STPG4: variants seen among roughly 807,000 people sequenced by gnomAD.
STPG4 encodes the protein sperm-tail PG-rich repeat containing 4, also known as protein STPG4.
A neutral mutation model predicts 31.5 loss-of-function variants in STPG4; 41 were observed. The ratio of observed to expected loss-of-function variants is 1.30; its 90% confidence interval spans 1.01 to 1.69. The LOEUF is 1.69. STPG4 is among the 40% of genes most tolerant of loss of function. The pLI is 0.00. For synonymous variants in STPG4, 141 were observed against 103.0 expected (o/e 1.37, Z -2.24); for missense variants, 375 against 293.4 (o/e 1.28, Z -2.03).
chr2:47,090,635 CCAGGGTCCCTGA>C (rs1210629623), intron 5 of STPG4, among the ~76,000 whole-genome samples: 1 of 152,148 alleles, frequency 6.6e-6, no homozygotes, highest in Non-Finnish European at 1.5e-5. Flanking sequence ...CTTCTCCCTG[CCAGGGTCCCTGA>C]TGCCCCCAGG....
rs370412772 is a variant in STPG4 at position 47,154,427 on chromosome 2, TCAA to T, written c.81+741_81+743del. Among the ~76,000 whole-genome samples the T allele has an allele frequency of 3.6e-3, 551 of 152,294 alleles. 3 individuals are homozygous for T. The highest frequency in any genetic ancestry group is 0.013 in the African/African-American group (520 of 41,560). ...GGGAAGGAGAGAGAAGTAAACGCGA[TCAA>T]TCTAATGGAAGACAATTGGCAGCTG... is the stretch of plus-strand genomic sequence containing the variant. On this transcript the variant is annotated intron_variant, in intron 1 of 6. Coordinates refer to ENST00000445927, the MANE Select transcript of STPG4 (RefSeq NM_001163561.2).
intron 3 of STPG4, among the ~76,000 whole-genome samples, chr2:47,148,174 T>C (rs1465871348): frequency 2.0e-5 from 3 of 152,102 alleles, no homozygotes; most frequent in African/African-American, 4.8e-5. Context: ...CTCGAACTCC[T>C]GGCCTCAAGT....
At chr2:47,147,144 T>C (rs374578914) in intron 3 of STPG4, among the ~76,000 whole-genome samples, 3 of 151,606 alleles carry the variant, frequency 2.0e-5, no homozygotes, top group Admixed American at 6.6e-5. Context: ...AATAAATAAA[T>C]AGGATATACA....
At chr2:47,138,944 C>T (rs1352538893) in intron 3 of STPG4, among the ~76,000 whole-genome samples, 1 of 152,188 alleles carries the variant, frequency 6.6e-6, no homozygotes, top group African/African-American at 2.4e-5. Context: ...CTTGGCCTCC[C>T]AATGTGCTGG....
At chr2:47,143,586 C>T (rs558838550) in intron 3 of STPG4, among the ~76,000 whole-genome samples, 15 of 151,260 alleles carry the variant, frequency 9.9e-5, no homozygotes, top group African/African-American at 3.4e-4. Flanking sequence ...CCTGGGTTCA[C>T]GCCATTCTCC....
At chr2:47,142,957 C>G (rs543662224) in intron 3 of STPG4, among the ~76,000 whole-genome samples, 1 of 148,346 alleles carries the variant, frequency 6.7e-6, no homozygotes, top group Non-Finnish European at 1.5e-5. Context: ...CCTGCCTTAG[C>G]CTCCCGAGTA....
chr2:47,133,233 C>T (rs1206305427), intron 3 of STPG4, among the ~76,000 whole-genome samples: 1 of 151,608 alleles, frequency 6.6e-6, no homozygotes. Flanking sequence ...AGTGGCGCAA[C>T]CATAGCTCAC....
At chr2:47,099,637 G>A (rs1281948476) in intron 5 of STPG4, among the ~76,000 whole-genome samples, 2 of 152,256 alleles carry the variant, frequency 1.3e-5, no homozygotes, top group Non-Finnish European at 2.9e-5. Context: ...GGCGGCACTT[G>A]AGGAGCCCTT....
intron 5 of STPG4, among the ~76,000 whole-genome samples, chr2:47,109,306 C>A (rs1414878834): frequency 1.3e-5 from 2 of 152,158 alleles, no homozygotes; most frequent in African/African-American, 4.8e-5. Flanking sequence ...CCTGTAATCC[C>A]CACACTTTGG....
At chr2:47,138,107 T>G (rs1253431983) in intron 3 of STPG4, among the ~76,000 whole-genome samples, 1 of 152,174 alleles carries the variant, frequency 6.6e-6, no homozygotes, top group Non-Finnish European at 1.5e-5. Flanking sequence ...ATACATGCAT[T>G]CAATACTATA....
intron 3 of STPG4, among the ~76,000 whole-genome samples, chr2:47,146,939 C>A (rs1003246628): frequency 1.3e-5 from 2 of 151,912 alleles, no homozygotes; most frequent in African/African-American, 4.8e-5. Flanking sequence ...GAGTTTGAGA[C>A]CAGCCTGGGC....
intron 5 of STPG4, among the ~76,000 whole-genome samples, chr2:47,127,161 G>A (rs892692759): frequency 1.3e-5 from 2 of 149,708 alleles, no homozygotes; most frequent in Non-Finnish European, 3.0e-5. Flanking sequence ...GCCGTTTTGA[G>A]GCTATTTTAT....
chr2:47,091,857 T>G (rs1311658365), intron 5 of STPG4, among the ~76,000 whole-genome samples: 1 of 152,028 alleles, frequency 6.6e-6, no homozygotes, highest in Non-Finnish European at 1.5e-5. Context: ...CCACAAAGAC[T>G]GTAACATTGT....
Position 47,152,953 on chromosome 2 carries a change from A to C in STPG4, c.141+4T>G. ...GAATAGGAAAGACTGAACAATGTAC[A>C]TACTGTTAATGCTATTCTCCACCAT... On this transcript the variant is annotated splice_donor_region_variant and intron_variant, in intron 2 of 6. Transcript: ENST00000445927. 3 of 1,601,276 alleles carry C rather than the reference A, an allele frequency of 1.9e-6. No individual in the cohort carries two copies. Among genetic ancestry groups the C allele is most frequent in the Non-Finnish European group, 2.6e-6 (3 of 1,171,420 alleles).
chr2:47,101,749 A>G (rs1056668011), intron 5 of STPG4, among the ~76,000 whole-genome samples: 3 of 151,860 alleles, frequency 2.0e-5, no homozygotes, highest in African/African-American at 7.3e-5. Context: ...AAGCTAGGAT[A>G]TGGGGAGCCT....
intron 3 of STPG4, among the ~76,000 whole-genome samples, chr2:47,132,414 G>C (rs1686504356): frequency 6.6e-6 from 1 of 152,174 alleles, no homozygotes; most frequent in Non-Finnish European, 1.5e-5. Context: ...CTGGCACATG[G>C]AAGTTCACTA....
chr2:47,107,850 C>T (rs1178998967), intron 5 of STPG4, among the ~76,000 whole-genome samples: 1 of 152,112 alleles, frequency 6.6e-6, no homozygotes, highest in Non-Finnish European at 1.5e-5. Flanking sequence ...AATTAGCACC[C>T]TGTGTCTAGC....
intron 5 of STPG4, among the ~76,000 whole-genome samples, chr2:47,117,930 A>ATATATATATATTT (rs1491090707): frequency 2.0e-4 from 23 of 117,568 alleles, no homozygotes; most frequent in African/African-American, 8.7e-4. Context: ...ATATATATAT[A>ATATATATATATTT]TTTTTTTTTT....
intron 5 of STPG4, among the ~76,000 whole-genome samples, chr2:47,103,877 C>T (rs1311564200): frequency 3.3e-5 from 5 of 151,922 alleles, no homozygotes; most frequent in African/African-American, 7.3e-5. Context: ...GACACTGGCA[C>T]AGCCTTCTCA....
Sources: allele counts gnomAD v4.1 joint callset (sites outside exome capture counted in the v4.1 genomes callset), GRCh38; gene constraint gnomAD v4.1.1; transcripts MANE v1.5; gene names NCBI Gene and HGNC (gene_info 2026-07-23, HGNC 2026-07-21).